Variants in SLC7A2 observed in about 807,000 individuals in gnomAD.
SLC7A2 encodes cationic amino acid transporter 2.
SLC7A2 carries 48 observed loss-of-function variants against 58.9 expected under a neutral mutation model. The observed-to-expected ratio is 0.82, with a 90% CI of 0.65 to 1.04. The LOEUF is 1.04. SLC7A2 is among the 50% of genes least tolerant of loss of function. SLC7A2 has a pLI of 0.00. For synonymous variants in SLC7A2, 363 were observed against 314.5 expected (o/e 1.15, Z -1.63); for missense variants, 1,029 against 818.8 (o/e 1.26, Z -3.13).
upstream of SLC7A2, among the ~76,000 whole-genome samples, chr8:17,495,340 C>T (rs116775678): frequency 3.6e-3 from 541 of 152,260 alleles, 2 homozygotes; most frequent in African/African-American, 0.013. Context: ...CCTTGAACAA[C>T]GCCTCCTAGC....
At chr8:17,555,252 G>A (rs537648861) in intron 8 of SLC7A2, among the ~76,000 whole-genome samples, 5 of 152,036 alleles carry the variant, frequency 3.3e-5, no homozygotes, top group Admixed American at 6.6e-5. Context: ...TTGTGGTGGC[G>A]GTGGTATAAT....
At chr8:17,495,018 C>A (rs558971633), upstream of SLC7A2, among the ~76,000 whole-genome samples, 1 of 152,084 alleles carries the variant, frequency 6.6e-6, no homozygotes, top group Non-Finnish European at 1.5e-5. Context: ...TTGTTTATCC[C>A]AAATCATTGT....
intron 2 of SLC7A2, 52 bp downstream of exon 2, chr8:17,502,354 A>G (rs1358509560): frequency 6.6e-6 from 1 of 151,996 alleles, no homozygotes; most frequent in Non-Finnish European, 1.5e-5. Flanking sequence ...AAAAGGACTG[A>G]TAAAAAAAAA....
rs138044433 is a variant in SLC7A2 at position 17,513,873 on chromosome 8, T to C, written c.-23+11571T>C. Among the ~76,000 whole-genome samples, 712 of 152,192 alleles carry C rather than the reference T, an allele frequency of 4.7e-3. 6 individuals are homozygous for C. The highest frequency in any genetic ancestry group is 0.016 in the African/African-American group (675 of 41,542). ...TAAGTGGATTACACCAGAGCACATA[T>C]TGCCAAAAACCTGTCATCCTGCTCA... is the stretch of plus-strand genomic sequence containing the variant. On this transcript the variant is annotated intron_variant, in intron 2 of 12. Transcript: ENST00000494857.
At chr8:17,547,670 A>G (rs530053999) in intron 4 of SLC7A2, among the ~76,000 whole-genome samples, 3 of 152,310 alleles carry the variant, frequency 2.0e-5, no homozygotes, top group Admixed American at 2.0e-4. Context: ...ATTGTAACAA[A>G]CAAAGAGTGA....
At chr8:17,528,971 G>T (rs1004047675) in intron 2 of SLC7A2, among the ~76,000 whole-genome samples, 1 of 152,118 alleles carries the variant, frequency 6.6e-6, no homozygotes, top group Non-Finnish European at 1.5e-5. Context: ...ATTCTGAAGG[G>T]AAGATGAGAG....
In SLC7A2 at chr8:17,569,733, C is replaced by G. The variant is rs912087115; in HGVS notation, c.*4587C>G. ...TGCATTTTGTTATTGCTCAACCCAA[C>G]TGGTAACACTGTTTGCTGGGAGCAT... is the stretch of plus-strand genomic sequence containing the variant. On this transcript the variant is annotated 3_prime_UTR_variant, in exon 13 of 13. Coordinates refer to ENST00000494857, the MANE Select transcript of SLC7A2 (RefSeq NM_001370338.1). 3.9e-5 allele frequency: 6 copies of G among 152,140 alleles called. No individual in the cohort carries two copies. Among genetic ancestry groups the G allele is most frequent in the Non-Finnish European group, 7.4e-5 (5 of 68,018 alleles). The allele number at this position is 152,140 out of a possible 1,614,324, so 9.4% of individuals were successfully genotyped here.
At chr8:17,546,162 T>G (rs1802164402) in intron 4 of SLC7A2, among the ~76,000 whole-genome samples, 1 of 152,212 alleles carries the variant, frequency 6.6e-6, no homozygotes, top group South Asian at 2.1e-4. Flanking sequence ...ATATTTTATT[T>G]AGGGATCATT....
At chr8:17,553,929 A>G (rs1353792910) in intron 7 of SLC7A2, among the ~76,000 whole-genome samples, 2 of 152,250 alleles carry the variant, frequency 1.3e-5, no homozygotes, top group Non-Finnish European at 2.9e-5. Context: ...CTGTCTTACT[A>G]AACTTCAGCT....
At chr8:17,550,065 C>T (rs1034653948) in intron 5 of SLC7A2, among the ~76,000 whole-genome samples, 2 of 152,130 alleles carry the variant, frequency 1.3e-5, no homozygotes, top group African/African-American at 4.8e-5. Flanking sequence ...TCTGGGGCTT[C>T]TACATGTGCT....
intron 2 of SLC7A2, among the ~76,000 whole-genome samples, chr8:17,507,590 G>A (rs997849633): frequency 6.6e-6 from 1 of 152,116 alleles, no homozygotes; most frequent in African/African-American, 2.4e-5. Flanking sequence ...TGATGGATAT[G>A]CAAATTACCC....
intron 2 of SLC7A2, among the ~76,000 whole-genome samples, chr8:17,523,860 A>C (rs1318404007): frequency 2.0e-5 from 3 of 152,142 alleles, no homozygotes; most frequent in Non-Finnish European, 2.9e-5. Flanking sequence ...CACAGTCTAT[A>C]CATCTGACAA....
At chr8:17,545,580 T>C (rs571003721) in intron 4 of SLC7A2, among the ~76,000 whole-genome samples, 3 of 151,922 alleles carry the variant, frequency 2.0e-5, no homozygotes, top group Non-Finnish European at 4.4e-5. Flanking sequence ...GTATTTTTAG[T>C]AGAGACGGGG....
At chr8:17,553,754 G>C (rs1228811148) in intron 7 of SLC7A2, among the ~76,000 whole-genome samples, 2 of 152,048 alleles carry the variant, frequency 1.3e-5, no homozygotes, top group African/African-American at 4.8e-5. Flanking sequence ...CTCCATCCTG[G>C]GTGACAGAGT....
At chr8:17,540,269 A>G (rs1260581638) in intron 2 of SLC7A2, among the ~76,000 whole-genome samples, 2 of 152,084 alleles carry the variant, frequency 1.3e-5, no homozygotes, top group Non-Finnish European at 2.9e-5. Context: ...TGCAATCCGT[A>G]TTTTACCAGG....
chr8:17,564,051 G>A (rs1803150971), intron 12 of SLC7A2, among the ~76,000 whole-genome samples: 1 of 152,174 alleles, frequency 6.6e-6, no homozygotes, highest in Non-Finnish European at 1.5e-5. Flanking sequence ...GTGATCTTAG[G>A]AGGGTACTTA....
intron 1 of SLC7A2, among the ~76,000 whole-genome samples, chr8:17,501,960 A>G (rs1407868252): frequency 6.6e-6 from 1 of 151,722 alleles, no homozygotes; most frequent in East Asian, 1.9e-4. Flanking sequence ...AAGAATTTGT[A>G]TGTCCCTTGT....
At chr8:17,537,442 A>T (rs1358980601) in intron 2 of SLC7A2, among the ~76,000 whole-genome samples, 1 of 152,122 alleles carries the variant, frequency 6.6e-6, no homozygotes, top group African/African-American at 2.4e-5. Flanking sequence ...GCACTAGACC[A>T]TTTGACCGAC....
At chr8:17,508,751 A>C (rs1324691717) in intron 2 of SLC7A2, among the ~76,000 whole-genome samples, 2 of 152,122 alleles carry the variant, frequency 1.3e-5, no homozygotes, top group African/African-American at 2.4e-5. Flanking sequence ...ATAATAAAAA[A>C]GATAAATTGG....
Sources: gnomAD v4.1 joint callset for allele counts (sites outside exome capture counted in the v4.1 genomes callset) on GRCh38, gnomAD v4.1.1 for gene constraint, MANE v1.5 for transcripts, NCBI Gene and HGNC (gene_info 2026-07-23, HGNC 2026-07-21) for gene names.